Variants in RIT2 observed in about 807,000 individuals in gnomAD.
The protein encoded by RIT2 is Ras like without CAAX 2.
In RIT2, 24 loss-of-function variants were observed where a neutral mutation model predicts 23.7. That is an observed-to-expected ratio of 1.01 (90% CI 0.73 to 1.43). The LOEUF is 1.43. Among genes scored for constraint, RIT2 ranks in the 40% most tolerant of loss-of-function variants. The pLI, the probability that RIT2 is intolerant of heterozygous loss-of-function variation, is 0.00. For missense variants in RIT2, 236 were observed against 266.9 expected (o/e 0.88, Z 0.81); for synonymous variants, 107 against 91.1 (o/e 1.17, Z -0.99).
At chr18:42,847,018 G>A (rs1269703376) in intron 4 of RIT2, among the ~76,000 whole-genome samples, 1 of 151,992 alleles carries the variant, frequency 6.6e-6, no homozygotes, top group Non-Finnish European at 1.5e-5. Context: ...CTGTATGTCG[G>A]TTACATACGC....
chr18:42,898,867 T>C (rs1364929215), intron 4 of RIT2, among the ~76,000 whole-genome samples: 1 of 152,206 alleles, frequency 6.6e-6, no homozygotes, highest in Non-Finnish European at 1.5e-5. Flanking sequence ...ATTCAAGTTA[T>C]ACTTTTGAAT....
intron 2 of RIT2, among the ~76,000 whole-genome samples, chr18:43,011,220 G>A (rs1911343179): frequency 2.0e-5 from 3 of 151,808 alleles, no homozygotes; most frequent in Admixed American, 1.3e-4. Flanking sequence ...GATCAAGGAG[G>A]AGCAGGAAGG....
chr18:42,888,257 A>G (rs940076653), intron 4 of RIT2, among the ~76,000 whole-genome samples: 3 of 151,882 alleles, frequency 2.0e-5, no homozygotes, highest in African/African-American at 7.3e-5. Flanking sequence ...GTATATGGGA[A>G]CCTTCTATAG....
chr18:42,965,977 G>A (rs1207370992), intron 3 of RIT2, among the ~76,000 whole-genome samples: 1 of 151,870 alleles, frequency 6.6e-6, no homozygotes, highest in African/African-American at 2.4e-5. Context: ...ATAATGCTAG[G>A]ATCACTCCAG....
chr18:42,778,807 T>C (rs1274179772), intron 4 of RIT2, among the ~76,000 whole-genome samples: 1 of 152,222 alleles, frequency 6.6e-6, no homozygotes, highest in East Asian at 1.9e-4. Context: ...AGCATCTAAA[T>C]GCTCTTGAGC....
intron 1 of RIT2, among the ~76,000 whole-genome samples, chr18:43,091,093 A>G (rs1021894003): frequency 1.3e-5 from 2 of 151,974 alleles, no homozygotes; most frequent in Admixed American, 6.6e-5. Context: ...TAGAGTTTTC[A>G]AATTTGTCCT....
intron 2 of RIT2, among the ~76,000 whole-genome samples, chr18:43,008,593 A>G (rs1911277808): frequency 6.6e-6 from 1 of 151,468 alleles, no homozygotes; most frequent in Non-Finnish European, 1.5e-5. Flanking sequence ...AAAAAGTAAA[A>G]AAAAAATAAA....
At chr18:43,104,279 G>GA (rs2144242514) in intron 1 of RIT2, among the ~76,000 whole-genome samples, 1 of 152,314 alleles carries the variant, frequency 6.6e-6, no homozygotes, top group Non-Finnish European at 1.5e-5. Flanking sequence ...TGGGAAGAGA[G>GA]AGGGAGGGTA....
chr18:42,872,538 C>T (rs1222552106), intron 4 of RIT2, among the ~76,000 whole-genome samples: 1 of 152,174 alleles, frequency 6.6e-6, no homozygotes, highest in East Asian at 1.9e-4. Context: ...TCTCTGTTCA[C>T]AGCAATCTGG....
At chr18:42,783,548 T>G (rs535141428) in intron 4 of RIT2, among the ~76,000 whole-genome samples, 1 of 151,950 alleles carries the variant, frequency 6.6e-6, no homozygotes, top group African/African-American at 2.4e-5. Flanking sequence ...TGTTGATTTT[T>G]TAAGTTTATA....
At chr18:42,952,851 T>C (rs1371106655) in intron 3 of RIT2, among the ~76,000 whole-genome samples, 3 of 151,984 alleles carry the variant, frequency 2.0e-5, no homozygotes, top group Non-Finnish European at 2.9e-5. Flanking sequence ...TATATATCTA[T>C]CACTGAGAAC....
chr18:43,006,497 T>C (rs924949864), intron 2 of RIT2, among the ~76,000 whole-genome samples: 2 of 151,276 alleles, frequency 1.3e-5, no homozygotes, highest in Non-Finnish European at 3.0e-5. Context: ...ATAACATAAA[T>C]CAGAATTAGG....
intron 4 of RIT2, among the ~76,000 whole-genome samples, chr18:42,907,958 G>A (rs1196678277): frequency 6.7e-6 from 1 of 150,228 alleles, no homozygotes; most frequent in African/African-American, 2.4e-5. Flanking sequence ...CAGCGTGGGT[G>A]ACAGAGTGAA....
chr18:42,763,346 C>G (rs1330614283), intron 4 of RIT2, among the ~76,000 whole-genome samples: 2 of 151,854 alleles, frequency 1.3e-5, no homozygotes, highest in African/African-American at 4.8e-5. Flanking sequence ...CCTGTAGTCC[C>G]AGCTACTCAG....
intron 1 of RIT2, among the ~76,000 whole-genome samples, chr18:43,095,637 A>G (rs1913534426): frequency 6.6e-6 from 1 of 152,028 alleles, no homozygotes; most frequent in Non-Finnish European, 1.5e-5. Flanking sequence ...ATTCAATGTA[A>G]TCATTGTATC....
At chr18:42,770,216 A>G (rs1309364385) in intron 4 of RIT2, among the ~76,000 whole-genome samples, 1 of 152,216 alleles carries the variant, frequency 6.6e-6, no homozygotes, top group Non-Finnish European at 1.5e-5. Flanking sequence ...AAGCTAACAT[A>G]ACACAAATAG....
chr18:42,819,548 T>G (rs1906091460), intron 4 of RIT2, among the ~76,000 whole-genome samples: 1 of 152,082 alleles, frequency 6.6e-6, no homozygotes, highest in Non-Finnish European at 1.5e-5. Flanking sequence ...GTTTTTATAT[T>G]TAAATAAAGT....
At chr18:43,106,141 G>T (rs1913817132) in intron 1 of RIT2, among the ~76,000 whole-genome samples, 1 of 152,184 alleles carries the variant, frequency 6.6e-6, no homozygotes, top group Admixed American at 6.5e-5. Context: ...AACATATTTA[G>T]TGCATTTTGA....
intron 2 of RIT2, among the ~76,000 whole-genome samples, chr18:43,016,338 A>C (rs2144260306): frequency 1.3e-5 from 2 of 151,984 alleles, no homozygotes; most frequent in Middle Eastern, 6.8e-3. Flanking sequence ...CTTTTTACAT[A>C]GTTAATTTTA....
Sources: allele counts gnomAD v4.1 joint callset (sites outside exome capture counted in the v4.1 genomes callset), GRCh38; gene constraint gnomAD v4.1.1; transcripts MANE v1.5; gene names NCBI Gene and HGNC (gene_info 2026-07-23, HGNC 2026-07-21).